Variants in BICRAL observed in about 807,000 individuals in gnomAD.
BICRAL encodes the protein BRD4-interacting chromatin-remodeling complex-associated protein-like.
BICRAL carries 8 observed loss-of-function variants against 91.8 expected under a neutral mutation model. The ratio of observed to expected loss-of-function variants is 0.09; its 90% CI spans 0.05 to 0.16. The LOEUF (loss-of-function observed/expected upper bound fraction) is 0.16, where lower values mean the gene tolerates loss of function less well. Ranked by LOEUF, BICRAL falls within the 10% of genes least tolerant of loss-of-function variation. The pLI is 1.00. For synonymous variants in BICRAL, 445 were observed against 491.1 expected (o/e 0.91, Z 1.24); for missense variants, 1,038 against 1,310.9 (o/e 0.79, Z 3.21).
intron 9 of BICRAL, among the ~76,000 whole-genome samples, 196 bp downstream of exon 9, chr6:42,856,113 A>G (rs1765342907): frequency 6.6e-6 from 1 of 152,008 alleles, no homozygotes; most frequent in African/African-American, 2.4e-5. Flanking sequence ...GGATCACTTG[A>G]GCCCAGGAGT....
At position 42,868,511 on chromosome 6, in the gene BICRAL, T is replaced by G. The variant is rs547685222; in HGVS notation, c.*3065T>G. On this transcript the variant is annotated 3_prime_UTR_variant, in exon 13 of 13. Coordinates refer to ENST00000314073, the MANE Select transcript of BICRAL (RefSeq NM_001393499.1). ...GGTTAGGAAATGTTTAGTTGGAGAT[T>G]ACAAATTGAAACAACCATTGCAATA... 6.5e-6 allele frequency: 1 copy of G among 152,734 alleles called. No homozygotes were observed. Among genetic ancestry groups the G allele is most frequent in the Admixed American group, 6.5e-5 (1 of 15,284 alleles). The allele number at this position is 152,734 out of a possible 1,614,324, so 9.5% of individuals were successfully genotyped here. A position where few individuals can be genotyped will look rare whatever the true frequency, so the allele number is the denominator to read the frequency against.
intron 1 of BICRAL, among the ~76,000 whole-genome samples, chr6:42,752,666 C>T (rs1247195641): frequency 6.6e-6 from 1 of 151,848 alleles, no homozygotes; most frequent in African/African-American, 2.4e-5. Flanking sequence ...TGCAGTGGCG[C>T]CATGTTGACT....
chr6:42,851,931 C>G (rs1461045027), intron 6 of BICRAL, among the ~76,000 whole-genome samples, 161 bp from the exon 7 acceptor site: 3 of 152,092 alleles, frequency 2.0e-5, no homozygotes, highest in Non-Finnish European at 4.4e-5. Context: ...CTTTGCAGTT[C>G]CCCTGAAGTG....
intron 6 of BICRAL, among the ~76,000 whole-genome samples, chr6:42,833,941 G>T (rs888057714): frequency 2.0e-5 from 3 of 151,830 alleles, no homozygotes; most frequent in African/African-American, 7.3e-5. Context: ...TGCAACCTCT[G>T]CCTCGCAGGT....
At chr6:42,817,432 C>G (rs1764024468) in intron 2 of BICRAL, among the ~76,000 whole-genome samples, 1 of 151,374 alleles carries the variant, frequency 6.6e-6, no homozygotes, top group Non-Finnish European at 1.5e-5. Context: ...TACCATAAAA[C>G]TCACCCTTTT....
rs1206769656 is a variant in BICRAL, at chr6:42,825,687, C to T, written c.159+2684C>T. On this transcript the variant is annotated intron_variant, in intron 5 of 12. Coordinates refer to ENST00000314073, the MANE Select transcript of BICRAL (RefSeq NM_001393499.1). Reference sequence around the variant, plus strand: ...GCAGTGAGCCAAGATTGTGCCACTGCACTCCAGCCTAGGTGACAGAGTGAG... The same window carrying T: ...GCAGTGAGCCAAGATTGTGCCACTGTACTCCAGCCTAGGTGACAGAGTGAG... Among the ~76,000 whole-genome samples, 3 of 152,152 alleles carry T rather than the reference C, an allele frequency of 2.0e-5. No homozygotes were observed. The East Asian group carries it at 5.8e-4, about 29-fold the overall frequency.
At chr6:42,800,440 A>C (rs1274408397) in intron 1 of BICRAL, among the ~76,000 whole-genome samples, 1 of 152,188 alleles carries the variant, frequency 6.6e-6, no homozygotes, top group African/African-American at 2.4e-5. Context: ...CTGGGATTAC[A>C]GGGCTCAGCC....
intron 6 of BICRAL, among the ~76,000 whole-genome samples, chr6:42,844,142 T>C (rs1764904241): frequency 6.7e-6 from 1 of 148,638 alleles, no homozygotes; most frequent in African/African-American, 2.5e-5. Flanking sequence ...GTGGAGGAAA[T>C]GGACCAAGGA....
chr6:42,785,536 G>A (rs1016920277), intron 1 of BICRAL, among the ~76,000 whole-genome samples: 2 of 144,090 alleles, frequency 1.4e-5, no homozygotes, highest in Non-Finnish European at 1.5e-5. Flanking sequence ...ACTCCAGTCC[G>A]GGAAACAAGA....
rs578141818 is a variant in BICRAL at position 42,830,706 on chromosome 6, A to T, written c.1839+534A>T. On this transcript the variant is annotated intron_variant, in intron 6 of 12. Coordinates refer to ENST00000314073, the MANE Select transcript of BICRAL (RefSeq NM_001393499.1). ...TCATAGCTCACTGCAACCTCAACCT[A>T]CTGGGCTCAGATGATCTTCCCACCT... Among the ~76,000 whole-genome samples the T allele has an allele frequency of 3.3e-5, 5 of 152,174 alleles. No homozygotes were observed. In the East Asian group the frequency reaches 9.6e-4, roughly 29 times the overall value.
At chr6:42,799,548 C>G (rs1053512245) in intron 1 of BICRAL, among the ~76,000 whole-genome samples, 8 of 152,228 alleles carry the variant, frequency 5.3e-5, no homozygotes, top group African/African-American at 1.9e-4. Flanking sequence ...TGAGCCTCAG[C>G]CTCCCAAAGT....
At chr6:42,785,434 G>T (rs925254238) in intron 1 of BICRAL, among the ~76,000 whole-genome samples, 10 of 151,748 alleles carry the variant, frequency 6.6e-5, no homozygotes, top group African/African-American at 2.2e-4. Flanking sequence ...GGTGGCAGGT[G>T]CCTGTAATCC....
intron 1 of BICRAL, among the ~76,000 whole-genome samples, chr6:42,783,533 C>T (rs1265292696): frequency 6.6e-6 from 1 of 152,020 alleles, no homozygotes; most frequent in Non-Finnish European, 1.5e-5. Flanking sequence ...GCGGCGCGGG[C>T]GGCGCCCTCC....
chr6:42,781,629 A>C (rs1244401237), upstream of BICRAL, among the ~76,000 whole-genome samples: 1 of 147,432 alleles, frequency 6.8e-6, no homozygotes, highest in African/African-American at 2.5e-5. Flanking sequence ...GTGTGGAGAG[A>C]GAGCCTGCAA....
rs1762928682 is a variant in BICRAL at position 42,782,115 on chromosome 6, T to C, written c.-102+14T>C. 1 of 149,600 alleles carries C rather than the reference T, an allele frequency of 6.7e-6. No homozygotes were observed. The highest frequency in any genetic ancestry group is 2.4e-5 in the African/African-American group (1 of 40,950). The allele number at this position is 149,600 out of a possible 1,614,324, so 9.3% of individuals were successfully genotyped here. A position where few individuals can be genotyped will look rare whatever the true frequency, so the allele number is the denominator to read the frequency against. On this transcript the variant is annotated intron_variant, in intron 1 of 12. Transcript: ENST00000314073. ...TTTTTCATGACGGTGAGTTTCCCTTTGAGTGTATTATAATTTTGTGATAAA... is the reference window on the plus strand; with the variant it reads ...TTTTTCATGACGGTGAGTTTCCCTTCGAGTGTATTATAATTTTGTGATAAA...
chr6:42,793,035 A>G (rs2113882068), intron 1 of BICRAL, among the ~76,000 whole-genome samples: 1 of 149,796 alleles, frequency 6.7e-6, no homozygotes, highest in East Asian at 2.0e-4. Context: ...GCTCACTGCA[A>G]ACTCCACCTC....
upstream of BICRAL, chr6:42,781,939 G>A (rs1762921907): frequency 6.8e-6 from 1 of 146,784 alleles, no homozygotes; most frequent in South Asian, 1.9e-4. Flanking sequence ...CCGGCCCGGC[G>A]CGGGGGTGAG....
At position 42,860,266 on chromosome 6, in the gene BICRAL, C is replaced by T. The variant is rs1765512780; in HGVS notation, c.2259C>T (p.Asp753=). Residue 753 remains aspartate, a synonymous_variant, in exon 11 of 13, where the codon GAC becomes GAT. Transcript: ENST00000314073. The part of the protein sequence containing the change: ...MPTEEDLRKV[D]NEFETVATQL... ...TTTGTCTCTCTCTTTTTAAAGTGGA[C>T]AATGAATTTGAGACAGTTGCCACTC... is the stretch of plus-strand genomic sequence containing the variant. The T allele has an allele frequency of 1.3e-6, 2 of 1,580,832 alleles. No individual in the cohort carries two copies. Among genetic ancestry groups the T allele is most frequent in the Admixed American group, 1.7e-5 (1 of 59,784 alleles).
At chr6:42,852,030 A>T (rs1582873535) in intron 6 of BICRAL, 62 bp from the exon 7 acceptor site, 2 of 1,041,162 alleles carry the variant, frequency 1.9e-6, no homozygotes, top group East Asian at 2.4e-5. Context: ...GTTGGTATTT[A>T]AAATAATCTG....
Sources: allele counts gnomAD v4.1 joint callset (sites outside exome capture counted in the v4.1 genomes callset), GRCh38; gene constraint gnomAD v4.1.1; transcripts MANE v1.5; gene names NCBI Gene and HGNC (gene_info 2026-07-23, HGNC 2026-07-21).